The following ZBTB8OS variants were observed in gnomAD, a reference collection of about 807,000 sequenced individuals.
ZBTB8OS encodes tRNA-splicing ligase-activating factor archease.
Under a neutral mutation model 29.3 loss-of-function variants are expected in ZBTB8OS, and 16 were observed. The ratio of observed to expected loss-of-function variants is 0.55; its 90% CI spans 0.37 to 0.83. The LOEUF (loss-of-function observed/expected upper bound fraction) is 0.83, where lower values mean the gene tolerates loss of function less well. Among genes scored for constraint, ZBTB8OS ranks in the 40% least tolerant of loss-of-function variants. ZBTB8OS has a pLI of 0.00. For missense variants in ZBTB8OS, 160 were observed against 196.9 expected (o/e 0.81, Z 1.12); for synonymous variants, 70 against 64.6 (o/e 1.08, Z -0.40).
chr1:32,630,119 A>G (rs1443035130), intron 5 of ZBTB8OS, among the ~76,000 whole-genome samples: 1 of 152,190 alleles, frequency 6.6e-6, no homozygotes, highest in Non-Finnish European at 1.5e-5. Context: ...GAAGATAATA[A>G]AAGATCTCAC....
chr1:32,633,525 T>C lies in ZBTB8OS; in HGVS notation c.327+120A>G, dbSNP rs117234528. ...GGTCATTATAATCTCTGCAAATCAG[T>C]ATCATCTTATTTGTATGGATTGGTT... On this transcript the variant is annotated intron_variant, in intron 4 of 6. Coordinates refer to ENST00000468695, the MANE Select transcript of ZBTB8OS (RefSeq NM_178547.5). The C allele has an allele frequency of 9.5e-5, 67 of 702,864 alleles. 1 individual carries two copies. In the East Asian group the frequency reaches 1.8e-3, roughly 19 times the overall value. The allele number at this position is 702,864 out of a possible 1,614,324, so 43.5% of individuals were successfully genotyped here.
intron 1 of ZBTB8OS, among the ~76,000 whole-genome samples, chr1:32,649,868 T>C (rs1158515206): frequency 6.6e-6 from 1 of 152,064 alleles, no homozygotes; most frequent in Non-Finnish European, 1.5e-5. Flanking sequence ...TTTTCCATGT[T>C]GGTCAGGCTG....
intron 4 of ZBTB8OS, among the ~76,000 whole-genome samples, chr1:32,633,045 GT>G (rs1369069435): frequency 7.2e-5 from 11 of 152,220 alleles, no homozygotes; most frequent in African/African-American, 2.7e-4. Context: ...CATTGCAGAT[GT>G]GTTCCCTTCT....
intron 1 of ZBTB8OS, among the ~76,000 whole-genome samples, chr1:32,646,117 C>T (rs1014149300): frequency 2.6e-5 from 4 of 151,962 alleles, no homozygotes; most frequent in East Asian, 1.9e-4. Context: ...GTCAGGAATT[C>T]GAGACCAGCC....
At chr1:32,622,375 T>C (rs1020916301) in intron 6 of ZBTB8OS, among the ~76,000 whole-genome samples, 10 of 152,194 alleles carry the variant, frequency 6.6e-5, no homozygotes, top group African/African-American at 1.7e-4. Context: ...ACATACACCA[T>C]AGAATACTAC....
Position 32,633,960 on chromosome 1 carries a change from C to T in ZBTB8OS, c.235G>A (p.Glu79Lys), listed in dbSNP as rs1645760813. 1 of 1,579,300 alleles carries T rather than the reference C, an allele frequency of 6.3e-7. No individual in the cohort carries two copies. The highest frequency in any genetic ancestry group is 1.4e-5 in the African/African-American group (1 of 73,058). Residue 79 changes from glutamate (E) to lysine (K), a missense_variant, in exon 3 of 7, where the codon GAA (glutamate) becomes AAA (lysine). Transcript: ENST00000468695. ...TGAATAAATCATTTACCTTGGGTTT[C>T]TACTTCTACTGTTTGGAGGGGCTCC... is the stretch of plus-strand genomic sequence containing the variant. ...TVEPLQTVEV[E>K]TQGDDLQSLL...
intron 1 of ZBTB8OS, among the ~76,000 whole-genome samples, chr1:32,649,307 T>C (rs1308016348): frequency 6.6e-6 from 1 of 151,940 alleles, no homozygotes; most frequent in Non-Finnish European, 1.5e-5. Context: ...GAGAAGGGGA[T>C]ATGCTAGGAG....
intron 1 of ZBTB8OS, among the ~76,000 whole-genome samples, chr1:32,637,834 T>C (rs988344173): frequency 3.3e-5 from 5 of 152,038 alleles, no homozygotes. Context: ...TCAGGTAAAA[T>C]ATATAATTTT....
At chr1:32,625,251 A>T (rs983162978) in intron 6 of ZBTB8OS, among the ~76,000 whole-genome samples, 4 of 151,140 alleles carry the variant, frequency 2.6e-5, no homozygotes, top group Middle Eastern at 3.2e-3. Flanking sequence ...ATAATAATAA[A>T]AAAAACTGTT....
intron 1 of ZBTB8OS, 146 bp from the exon 2 acceptor site, chr1:32,634,938 T>C: frequency 2.9e-6 from 2 of 698,422 alleles, no homozygotes; most frequent in Non-Finnish European, 5.2e-6. Flanking sequence ...CCTTTTGCTA[T>C]CTATTCACTC....
At chr1:32,643,772 G>A (rs1380582254) in intron 1 of ZBTB8OS, among the ~76,000 whole-genome samples, 1 of 151,974 alleles carries the variant, frequency 6.6e-6, no homozygotes, top group African/African-American at 2.4e-5. Flanking sequence ...TGGGATTACA[G>A]GCGTGAGCCA....
At chr1:32,635,134 T>TA (rs1412536364) in intron 1 of ZBTB8OS, among the ~76,000 whole-genome samples, 3 of 152,082 alleles carry the variant, frequency 2.0e-5, no homozygotes, top group African/African-American at 7.2e-5. Context: ...TAATCCTAGA[T>TA]AAAATCAATT....
chr1:32,642,721 A>T (rs1358342541), intron 1 of ZBTB8OS, among the ~76,000 whole-genome samples: 1 of 70,644 alleles, frequency 1.4e-5, no homozygotes, highest in Non-Finnish European at 3.0e-5. Flanking sequence ...TGTTCTCCAC[A>T]ATCTTTTATC....
chr1:32,636,404 C>T (rs1337407545), intron 1 of ZBTB8OS, among the ~76,000 whole-genome samples: 1 of 151,956 alleles, frequency 6.6e-6, no homozygotes, highest in Non-Finnish European at 1.5e-5. Flanking sequence ...ATAAGAAAAA[C>T]TTGAGTCTGG....
rs373727524 is a variant in ZBTB8OS at position 32,646,544 on chromosome 1, C to T, written c.97+3889G>A. ...CTGGGACTACAGGCGCCCGCCACCT[C>T]GCCCGGCTAATTTTTTTGTATTTTT... On this transcript the variant is annotated intron_variant, in intron 1 of 6. Transcript: ENST00000468695. Among the ~76,000 whole-genome samples the T allele has an allele frequency of 5.6e-4, 85 of 151,548 alleles. 2 individuals carry two copies. The East Asian group carries it at 0.011, about 19-fold the overall frequency.
intron 1 of ZBTB8OS, among the ~76,000 whole-genome samples, chr1:32,649,756 C>T (rs1267924533): frequency 1.3e-5 from 2 of 151,954 alleles, no homozygotes; most frequent in African/African-American, 2.4e-5. Context: ...CCTCCGCCTC[C>T]CGGGTTCAAG....
chr1:32,639,234 G>A (rs1421707585), intron 1 of ZBTB8OS, among the ~76,000 whole-genome samples: 1 of 151,308 alleles, frequency 6.6e-6, no homozygotes. Context: ...GGAGGTAGAG[G>A]TTGCAGTGAG....
At chr1:32,627,595 T>C in intron 5 of ZBTB8OS, 51 bp from the exon 6 acceptor site, 1 of 1,563,344 alleles carries the variant, frequency 6.4e-7, no homozygotes, top group Non-Finnish European at 8.8e-7. Context: ...TCTTTATATG[T>C]TTTAAAATAA....
intron 4 of ZBTB8OS, 68 bp downstream of exon 4, chr1:32,633,577 A>T: frequency 8.6e-7 from 1 of 1,159,654 alleles, no homozygotes; most frequent in Non-Finnish European, 1.3e-6. Context: ...ATTTTAAATC[A>T]TCTGTTCTAT....
Sources: allele counts gnomAD v4.1 joint callset (sites outside exome capture counted in the v4.1 genomes callset), GRCh38; gene constraint gnomAD v4.1.1; transcripts MANE v1.5; gene names NCBI Gene and HGNC (gene_info 2026-07-23, HGNC 2026-07-21).